The following CDKAL1 variants were observed in gnomAD, a reference collection of about 807,000 sequenced individuals.
The protein encoded by CDKAL1 is threonylcarbamoyladenosine tRNA methylthiotransferase.
CDKAL1 carries 32 observed loss-of-function variants against 68.2 expected under a neutral mutation model. That is an observed-to-expected ratio of 0.47 (90% CI 0.35 to 0.63). The LOEUF (loss-of-function observed/expected upper bound fraction) is 0.63. Ranked by LOEUF, CDKAL1 falls within the 30% of genes least tolerant of loss-of-function variation. The probability of loss-of-function intolerance (pLI) is 0.00; values close to 1 mark genes in which losing one functional copy is unlikely to be tolerated. For synonymous variants in CDKAL1, 234 were observed against 244.3 expected (o/e 0.96, Z 0.39); for missense variants, 606 against 696.7 (o/e 0.87, Z 1.47).
chr6:21,140,443 G>C (rs1481123347), intron 13 of CDKAL1, among the ~76,000 whole-genome samples: 1 of 152,060 alleles, frequency 6.6e-6, no homozygotes, highest in African/African-American at 2.4e-5. Context: ...ACCTGCCTTG[G>C]GCATCCCTTT....
At chr6:21,121,299 A>G (rs982068479) in intron 13 of CDKAL1, among the ~76,000 whole-genome samples, 1 of 152,142 alleles carries the variant, frequency 6.6e-6, no homozygotes, top group Admixed American at 6.6e-5. Context: ...TGACTCTTCC[A>G]CTTGCAAGCT....
chr6:20,546,675 T>C lies in CDKAL1; in HGVS notation c.173+152T>C, dbSNP rs865783619. The C allele has an allele frequency of 7.1e-5, 41 of 581,556 alleles. No homozygotes were observed. The Middle Eastern group carries it at 3.3e-3, about 47-fold the overall frequency. The allele number at this position is 581,556 out of a possible 1,614,324, so 36.0% of individuals were successfully genotyped here. A position where few individuals can be genotyped will look rare whatever the true frequency, so the allele number is the denominator to read the frequency against. ...TTCAAGCTATTCTCCTGCCTCTGCC[T>C]CCCTAGTAGCTGTGATTACAGGCAC... On this transcript the variant is annotated intron_variant, in intron 3 of 15. Coordinates refer to ENST00000274695, the MANE Select transcript of CDKAL1 (RefSeq NM_017774.3).
intron 5 of CDKAL1, among the ~76,000 whole-genome samples, chr6:20,736,477 TA>T: frequency 6.6e-6 from 1 of 152,270 alleles, no homozygotes; most frequent in Middle Eastern, 3.4e-3. Flanking sequence ...ATCATCTTTT[TA>T]AAAATCTTCC....
intron 10 of CDKAL1, among the ~76,000 whole-genome samples, chr6:20,964,835 C>T (rs1765225010): frequency 1.3e-5 from 2 of 152,318 alleles, no homozygotes; most frequent in South Asian, 4.1e-4. Flanking sequence ...TTCTCAACCA[C>T]TGTCATCATT....
chr6:20,543,901 T>C (rs1004019178), intron 2 of CDKAL1, among the ~76,000 whole-genome samples: 32 of 151,914 alleles, frequency 2.1e-4, no homozygotes, highest in African/African-American at 7.7e-4. Flanking sequence ...CACACTCAGC[T>C]AATTTTTTGT....
intron 12 of CDKAL1, among the ~76,000 whole-genome samples, chr6:21,101,810 G>C (rs567635191): frequency 6.6e-6 from 1 of 152,226 alleles, no homozygotes; most frequent in African/African-American, 2.4e-5. Flanking sequence ...ATCTGTGCCA[G>C]CAGCCTGGGA....
chr6:20,535,291 T>TAA (rs1324974411), intron 1 of CDKAL1, 60 bp from the exon 2 acceptor site: 1 of 152,382 alleles, frequency 6.6e-6, no homozygotes, highest in Non-Finnish European at 1.5e-5. Context: ...AAAGAATCCT[T>TAA]ACAGTGGTTT....
intron 13 of CDKAL1, among the ~76,000 whole-genome samples, chr6:21,127,013 T>C (rs1775046340): frequency 6.6e-6 from 1 of 152,186 alleles, no homozygotes; most frequent in Admixed American, 6.5e-5. Flanking sequence ...TACTTTCAAA[T>C]ACGAAGAAGA....
chr6:21,225,288 G>A (rs1779699094), intron 15 of CDKAL1, among the ~76,000 whole-genome samples: 1 of 152,138 alleles, frequency 6.6e-6, no homozygotes, highest in Non-Finnish European at 1.5e-5. Context: ...GCGGGTGATG[G>A]TTTTAGTTCG....
chr6:20,748,097 T>A (rs1773739957), intron 6 of CDKAL1, among the ~76,000 whole-genome samples: 1 of 152,198 alleles, frequency 6.6e-6, no homozygotes. Context: ...GAAAAACAGT[T>A]CTAAAATTTG....
intron 9 of CDKAL1, among the ~76,000 whole-genome samples, chr6:20,912,983 A>G (rs1225411893): frequency 6.6e-6 from 1 of 151,984 alleles, no homozygotes; most frequent in East Asian, 1.9e-4. Flanking sequence ...ATCACAGATT[A>G]TTTATATAAT....
At chr6:20,862,119 G>A (rs1406839554) in intron 9 of CDKAL1, among the ~76,000 whole-genome samples, 1 of 152,148 alleles carries the variant, frequency 6.6e-6, no homozygotes. Flanking sequence ...TGTTTTCCAT[G>A]AAACTCAATA....
intron 4 of CDKAL1, among the ~76,000 whole-genome samples, chr6:20,567,090 G>T (rs565696771): frequency 3.0e-4 from 46 of 151,628 alleles, no homozygotes; most frequent in Non-Finnish European, 5.2e-4. Flanking sequence ...CCCATTTTTG[G>T]GTCTCATCTG....
intron 5 of CDKAL1, among the ~76,000 whole-genome samples, chr6:20,735,724 G>A (rs1298538488): frequency 6.6e-6 from 1 of 152,114 alleles, no homozygotes; most frequent in African/African-American, 2.4e-5. Flanking sequence ...TCCCTGAGTT[G>A]TTATATATTG....
At chr6:20,537,100 C>T (rs1004760105) in intron 2 of CDKAL1, among the ~76,000 whole-genome samples, 2 of 151,964 alleles carry the variant, frequency 1.3e-5, no homozygotes, top group Non-Finnish European at 2.9e-5. Context: ...AGTGCAGTGG[C>T]GTGATCTCGG....
intron 4 of CDKAL1, among the ~76,000 whole-genome samples, chr6:20,567,287 T>C (rs1175719916): frequency 5.4e-4 from 82 of 151,924 alleles, no homozygotes; most frequent in Non-Finnish European, 1.0e-4. Flanking sequence ...TGCCTGTGAT[T>C]ACTTCTCTCT....
At chr6:21,095,156 G>C (rs1773253919) in intron 12 of CDKAL1, among the ~76,000 whole-genome samples, 1 of 152,214 alleles carries the variant, frequency 6.6e-6, no homozygotes, top group African/African-American at 2.4e-5. Flanking sequence ...AGGGATGGGA[G>C]AGCAGTATCC....
intron 11 of CDKAL1, among the ~76,000 whole-genome samples, chr6:21,043,597 A>G (rs1320623519): frequency 1.3e-5 from 2 of 152,226 alleles, no homozygotes; most frequent in African/African-American, 2.4e-5. Context: ...TTGTCTCTGC[A>G]CTTTTATGGC....
intron 15 of CDKAL1, among the ~76,000 whole-genome samples, chr6:21,203,229 T>C (rs1240973334): frequency 3.2e-5 from 3 of 92,930 alleles, no homozygotes; most frequent in Non-Finnish European, 7.1e-5. Flanking sequence ...TTTTTTTTTT[T>C]TTTTTTTTTT....
Sources: gnomAD v4.1 joint callset for allele counts (sites outside exome capture counted in the v4.1 genomes callset) on GRCh38, gnomAD v4.1.1 for gene constraint, MANE v1.5 for transcripts, NCBI Gene and HGNC (gene_info 2026-07-23, HGNC 2026-07-21) for gene names.